The following ABLIM3 variants were observed in gnomAD, a reference collection of about 807,000 sequenced individuals.
The protein encoded by ABLIM3 is actin binding LIM protein family member 3.
Under a neutral mutation model 109.5 loss-of-function variants are expected in ABLIM3, and 61 were observed. The ratio of observed to expected loss-of-function variants is 0.56; its 90% CI spans 0.45 to 0.69. ABLIM3 has a LOEUF of 0.69. Ranked by LOEUF, ABLIM3 falls within the 30% of genes least tolerant of loss-of-function variation. The pLI, the probability that ABLIM3 is intolerant of heterozygous loss-of-function variation, is 0.00. For missense variants in ABLIM3, 796 were observed against 889.5 expected, an observed-to-expected ratio of 0.89 and a Z score of 1.34; for synonymous variants, 300 against 324.8, an observed-to-expected ratio of 0.92 and a Z score of 0.82.
At chr5:149,235,953 C>A (rs1275112967) in intron 10 of ABLIM3, among the ~76,000 whole-genome samples, 1 of 152,212 alleles carries the variant, frequency 6.6e-6, no homozygotes, top group African/African-American at 2.4e-5. Flanking sequence ...AACAGCATTA[C>A]CAAAGCTGGC....
At chr5:149,233,962 T>C (rs1283020269) in intron 10 of ABLIM3, among the ~76,000 whole-genome samples, 1 of 152,184 alleles carries the variant, frequency 6.6e-6, no homozygotes, top group African/African-American at 2.4e-5. Context: ...GTATATGTCA[T>C]TCATTCATTC....
chr5:149,156,199 C>T (rs1753856049), intron 2 of ABLIM3, among the ~76,000 whole-genome samples: 1 of 152,234 alleles, frequency 6.6e-6, no homozygotes, highest in Non-Finnish European at 1.5e-5. Flanking sequence ...ATTGACCAAA[C>T]TGAGAAGGCT....
At chr5:149,174,930 G>A (rs566515579) in intron 2 of ABLIM3, among the ~76,000 whole-genome samples, 7 of 152,194 alleles carry the variant, frequency 4.6e-5, no homozygotes, top group Non-Finnish European at 8.8e-5. Context: ...CTTAGGAAGC[G>A]CATAGCACAA....
At chr5:149,192,431 A>G (rs1424665852) in intron 3 of ABLIM3, among the ~76,000 whole-genome samples, 2 of 152,128 alleles carry the variant, frequency 1.3e-5, no homozygotes, top group South Asian at 2.1e-4. Flanking sequence ...TACAAACTGT[A>G]CAGTACTTAA....
intron 13 of ABLIM3, 82 bp downstream of exon 13, chr5:149,239,970 C>T: frequency 2.7e-6 from 4 of 1,479,732 alleles, no homozygotes; most frequent in Non-Finnish European, 3.6e-6. Context: ...GCAGAGGGCA[C>T]AAGGCTCCCC....
chr5:149,205,912 C>T (rs530312080), intron 5 of ABLIM3, among the ~76,000 whole-genome samples: 1 of 152,344 alleles, frequency 6.6e-6, no homozygotes, highest in Non-Finnish European at 1.5e-5. Flanking sequence ...GACACATCAT[C>T]TTTTCTTCTA....
chr5:149,152,789 C>T (rs1023072125), intron 2 of ABLIM3, among the ~76,000 whole-genome samples: 1 of 152,068 alleles, frequency 6.6e-6, no homozygotes, highest in Admixed American at 6.6e-5. Flanking sequence ...AGTTTGATTA[C>T]CCACCCAGCT....
At chr5:149,173,838 G>A (rs560674711) in intron 2 of ABLIM3, among the ~76,000 whole-genome samples, 2 of 151,936 alleles carry the variant, frequency 1.3e-5, no homozygotes, top group African/African-American at 2.4e-5. Flanking sequence ...TGGCTAACAC[G>A]GTGAAACCCC....
At position 149,217,036 on chromosome 5, in the gene ABLIM3, G is replaced by A. The variant is rs1760165443; in HGVS notation, c.747G>A (p.Met249Ile). The change falls in exon 8 of 24, where the codon ATG becomes ATA. Residue 249 changes from methionine to isoleucine, a missense_variant. Physicochemically the swap from Met to Ile is conservative, Grantham distance 10. Transcript: ENST00000309868. ...AGATGTTCACCGAAGGAGAGGAAAT[G>A]TACCTCACAGGTAAGTAAATCTGAC... Reference protein sequence around the residue: ...CHQMFTEGEEMYLTGSEVWHP... With the variant: ...CHQMFTEGEEIYLTGSEVWHP... The A allele has an allele frequency of 6.2e-7, 1 of 1,614,162 alleles. No homozygotes were observed. The highest frequency in any genetic ancestry group is 8.5e-7 in the Non-Finnish European group (1 of 1,180,020).
intron 7 of ABLIM3, among the ~76,000 whole-genome samples, chr5:149,212,441 C>T (rs964050046): frequency 1.3e-5 from 2 of 151,958 alleles, no homozygotes; most frequent in Non-Finnish European, 1.5e-5. Context: ...AGCTGGGCTT[C>T]TGGGAGGATG....
chr5:149,189,311 A>C (rs138809447), intron 3 of ABLIM3, among the ~76,000 whole-genome samples: 159 of 152,330 alleles, frequency 1.0e-3, no homozygotes, highest in Middle Eastern at 6.8e-3. Context: ...ACCTTCTTAC[A>C]TATGACACCA....
chr5:149,236,369 T>C (rs1207695919), intron 10 of ABLIM3, among the ~76,000 whole-genome samples: 1 of 152,148 alleles, frequency 6.6e-6, no homozygotes, highest in Non-Finnish European at 1.5e-5. Flanking sequence ...CCTATGGCAT[T>C]GGGAGAATGT....
At chr5:149,195,449 C>T (rs1362415099) in intron 3 of ABLIM3, among the ~76,000 whole-genome samples, 1 of 152,162 alleles carries the variant, frequency 6.6e-6, no homozygotes, top group Non-Finnish European at 1.5e-5. Flanking sequence ...ACTGTATTTC[C>T]AGGAACCCCT....
chr5:149,239,402 TGC>T, intron 12 of ABLIM3, 125 bp downstream of exon 12: 1 of 1,042,808 alleles, frequency 9.6e-7, no homozygotes. Flanking sequence ...AGCAGGGAAG[TGC>T]TGGAGAGACT....
At chr5:149,256,758 T>C (rs1361720570) in intron 23 of ABLIM3, among the ~76,000 whole-genome samples, 1 of 152,206 alleles carries the variant, frequency 6.6e-6, no homozygotes, top group Non-Finnish European at 1.5e-5. Flanking sequence ...ATGAAGCAAA[T>C]GTGGAAAACC....
chr5:149,202,298 G>A (rs191024588), intron 5 of ABLIM3, among the ~76,000 whole-genome samples: 16 of 152,326 alleles, frequency 1.1e-4, no homozygotes, highest in Non-Finnish European at 1.6e-4. Flanking sequence ...GGAAGAAGGT[G>A]AGGAAAAAGT....
At chr5:149,233,469 G>A (rs1762061841) in intron 10 of ABLIM3, among the ~76,000 whole-genome samples, 169 bp downstream of exon 10, 1 of 152,180 alleles carries the variant, frequency 6.6e-6, no homozygotes, top group Admixed American at 6.5e-5. Flanking sequence ...GGGGTACAGG[G>A]AGGACATAGA....
chr5:149,243,615 AG>A, intron 15 of ABLIM3: 1 of 152,678 alleles, frequency 6.5e-6, no homozygotes, highest in Non-Finnish European at 1.5e-5. Flanking sequence ...GGGGCTGAGC[AG>A]GGGGGTCCGA....
intron 8 of ABLIM3, among the ~76,000 whole-genome samples, chr5:149,227,864 C>A (rs1561610387): frequency 6.6e-6 from 1 of 152,202 alleles, no homozygotes; most frequent in Non-Finnish European, 1.5e-5. Context: ...TTTATTCACT[C>A]AATGAGTATT....
Sources: allele counts gnomAD v4.1 joint callset (sites outside exome capture counted in the v4.1 genomes callset), GRCh38; gene constraint gnomAD v4.1.1; transcripts MANE v1.5; gene names NCBI Gene and HGNC (gene_info 2026-07-23, HGNC 2026-07-21).